SF3B3: variants seen among roughly 807,000 people sequenced by gnomAD.
SF3B3 encodes SAP 130.
SF3B3 carries 33 observed loss-of-function variants against 139.2 expected under a neutral mutation model. The observed-to-expected ratio is 0.24, with a 90% CI of 0.18 to 0.32. SF3B3 has a LOEUF of 0.32. Ranked by LOEUF, SF3B3 falls within the 10% of genes least tolerant of loss-of-function variation. The pLI, the probability that SF3B3 is intolerant of heterozygous loss-of-function variation, is 1.00. For missense variants in SF3B3, 818 were observed against 1,509.4 expected (o/e 0.54, Z 7.59); for synonymous variants, 596 against 563.6 (o/e 1.06, Z -0.81).
rs2050553666 is a variant in SF3B3 at position 70,574,027 on chromosome 16, AG to A, written c.*2216del. ...GTGAGACAGCTGCCGGCGCTGGAAAAGGCTCGTCTCACAGGGAGAGTGCTGG... is the reference window on the plus strand; with the variant it reads ...GTGAGACAGCTGCCGGCGCTGGAAAAGCTCGTCTCACAGGGAGAGTGCTGG... On this transcript the variant is annotated 3_prime_UTR_variant, in exon 26 of 26. Transcript: ENST00000302516. 6.6e-6 allele frequency: 1 copy of A among 152,180 alleles called. No homozygotes were observed. Among genetic ancestry groups the A allele is most frequent in the Non-Finnish European group, 1.5e-5 (1 of 68,046 alleles). The allele number at this position is 152,180 out of a possible 1,614,324, so 9.4% of individuals were successfully genotyped here.
At chr16:70,524,725 G>C (rs2151771074) in intron 1 of SF3B3, 1 of 152,362 alleles carries the variant, frequency 6.6e-6, no homozygotes, top group South Asian at 2.1e-4. Context: ...TTGTCGCCCA[G>C]GCTGGAGTGC....
chr16:70,542,625 C>G (rs996749620), intron 9 of SF3B3, among the ~76,000 whole-genome samples: 2 of 152,168 alleles, frequency 1.3e-5, no homozygotes, highest in Non-Finnish European at 2.9e-5. Context: ...TTTAATTAAA[C>G]CCATCTGAAA....
At chr16:70,563,778 C>CAGGG in intron 17 of SF3B3, 98 bp from the exon 18 acceptor site, 2 of 1,144,254 alleles carry the variant, frequency 1.7e-6, no homozygotes, top group East Asian at 4.7e-5. Flanking sequence ...GTTAGAGCTC[C>CAGGG]AGGGATTGAC....
At chr16:70,554,146 T>C (rs1281469081) in intron 11 of SF3B3, 1 of 222,364 alleles carries the variant, frequency 4.5e-6, no homozygotes, top group African/African-American at 2.3e-5. Flanking sequence ...TGTTCATGTA[T>C]CAATATTGTA....
At chr16:70,557,465 T>C (rs2050389503) in intron 15 of SF3B3, among the ~76,000 whole-genome samples, 1 of 152,230 alleles carries the variant, frequency 6.6e-6, no homozygotes, top group African/African-American at 2.4e-5. Flanking sequence ...TAAGATAGTG[T>C]CAGGATTCTT....
At chr16:70,555,407 A>G (rs1350523009) in intron 13 of SF3B3, among the ~76,000 whole-genome samples, 2 of 139,786 alleles carry the variant, frequency 1.4e-5, no homozygotes, top group East Asian at 2.2e-4. Context: ...TGAACCCGGG[A>G]GGCAGAGGTT....
At chr16:70,554,945 A>G (rs1041121654) in intron 12 of SF3B3, 106 bp from the exon 13 acceptor site, 3 of 1,045,578 alleles carry the variant, frequency 2.9e-6, no homozygotes, top group African/African-American at 3.2e-5. Flanking sequence ...CCTCAAATGC[A>G]GTGGCCCCAG....
intron 2 of SF3B3, 66 bp from the exon 3 acceptor site, chr16:70,528,806 CG>C (rs1391235311): frequency 2.6e-6 from 3 of 1,161,332 alleles, no homozygotes; most frequent in Non-Finnish European, 2.5e-6. Flanking sequence ...TTAGTAGAGA[CG>C]GGGTTTCACC....
Position 70,569,156 on chromosome 16 carries a change from TG to T in SF3B3, c.3264+18del. ...CCTCCCAGAAGGTAAGATTGCAGAATGGGCCCCAGGGAGAACACTGCTTAGC... is the reference window on the plus strand; with the variant it reads ...CCTCCCAGAAGGTAAGATTGCAGAATGGCCCCAGGGAGAACACTGCTTAGC... On this transcript the variant is annotated intron_variant, in intron 23 of 25. Transcript: ENST00000302516. The T allele has an allele frequency of 6.3e-7, 1 of 1,578,510 alleles. No homozygotes were observed. The highest frequency in any genetic ancestry group is 1.7e-5 in the Admixed American group (1 of 57,844).
chr16:70,550,384 A>G (rs2050311593), intron 11 of SF3B3: 1 of 152,226 alleles, frequency 6.6e-6, no homozygotes, highest in Non-Finnish European at 1.5e-5. Flanking sequence ...CTTGTAGTTG[A>G]ACATTTTTCT....
At chr16:70,561,429 T>TC (rs1567422605) in intron 16 of SF3B3, 1 of 571,996 alleles carries the variant, frequency 1.7e-6, no homozygotes, top group Non-Finnish European at 3.1e-6. Context: ...ATCATATGGC[T>TC]CGTAGCCCAT....
chr16:70,538,991 C>A, intron 7 of SF3B3, 113 bp from the exon 8 acceptor site: 2 of 798,010 alleles, frequency 2.5e-6, no homozygotes, highest in Non-Finnish European at 2.2e-6. Context: ...AGTTTGTTGA[C>A]CCCTGGTCAG....
At chr16:70,569,256 C>T (rs2050506092) in intron 23 of SF3B3, 115 bp downstream of exon 23, 4 of 682,754 alleles carry the variant, frequency 5.9e-6, no homozygotes, top group Non-Finnish European at 9.9e-6. Context: ...GTGCTGAGTG[C>T]TGTCCGTCCA....
At chr16:70,569,229 T>A in intron 23 of SF3B3, 88 bp downstream of exon 23, 1 of 889,224 alleles carries the variant, frequency 1.1e-6, no homozygotes, top group Non-Finnish European at 1.8e-6. Flanking sequence ...GGTGAATTAT[T>A]CATAGTGCAC....
At chr16:70,542,720 T>TTA (rs2050231226) in intron 9 of SF3B3, among the ~76,000 whole-genome samples, 1 of 150,402 alleles carries the variant, frequency 6.6e-6, no homozygotes, top group Non-Finnish European at 1.5e-5. Context: ...TTTTTTTTCT[T>TTA]TTTTTTTTCT....
intron 6 of SF3B3, among the ~76,000 whole-genome samples, chr16:70,536,813 T>C (rs867620104): frequency 0.032 from 4,748 of 148,768 alleles, 276 homozygotes; most frequent in African/African-American, 0.11. Context: ...CTTTCTTTTT[T>C]TTTTTTTTTT....
In SF3B3 at chr16:70,569,129, G is replaced by A. The variant is rs1181069493; in HGVS notation, c.3252G>A (p.Gly1084=). The part of the protein sequence containing the change: ...KALWDRGLLN[G]ASQKAEVIMN... ...TGTGGGACCGTGGCTTGCTCAATGG[G>A]GCCTCCCAGAAGGTAAGATTGCAGA... Residue 1084 remains glycine (G), a synonymous_variant, in exon 23 of 26, where the codon GGG becomes GGA. Transcript: ENST00000302516. 1 of 1,609,048 alleles carries A rather than the reference G, an allele frequency of 6.2e-7. No individual in the cohort carries two copies.
Position 70,574,858 on chromosome 16 carries a change from C to T in SF3B3, c.*3045C>T, listed in dbSNP as rs758499253. 1.3e-5 allele frequency: 2 copies of T among 152,214 alleles called. No individual in the cohort carries two copies. The highest frequency in any genetic ancestry group is 6.5e-5 in the Admixed American group (1 of 15,278). 9.4% of individuals were successfully genotyped at this position (152,214 alleles called of 1,614,324 possible). ...TTTGAGTCATCCACTTGCTCATTTG[C>T]ATATGGAATATTGTATGTGAATATT... On this transcript the variant is annotated 3_prime_UTR_variant, in exon 26 of 26. Transcript: ENST00000302516.
intron 9 of SF3B3, 117 bp downstream of exon 9, chr16:70,541,951 G>C: frequency 1.2e-6 from 1 of 860,220 alleles, no homozygotes; most frequent in Non-Finnish European, 1.7e-6. Flanking sequence ...GCAGTTAGAG[G>C]TAGAAGTTTG....
Sources: allele counts gnomAD v4.1 joint callset (sites outside exome capture counted in the v4.1 genomes callset), GRCh38; gene constraint gnomAD v4.1.1; transcripts MANE v1.5; gene names NCBI Gene and HGNC (gene_info 2026-07-23, HGNC 2026-07-21).